Variants in CAMTA1 observed in about 807,000 individuals in gnomAD.
CAMTA1 encodes the protein calmodulin-binding transcription activator 1.
A neutral mutation model predicts 170.9 loss-of-function variants in CAMTA1; 27 were observed. The ratio of observed to expected loss-of-function variants is 0.16; its 90% CI spans 0.12 to 0.22. The LOEUF is 0.22. CAMTA1 is among the 10% of genes least tolerant of loss of function. The pLI is 1.00. For missense variants in CAMTA1, 1,619 were observed against 2,217.2 expected, an observed-to-expected ratio of 0.73 and a Z score of 5.42; for synonymous variants, 833 against 891.5, an observed-to-expected ratio of 0.93 and a Z score of 1.17.
intron 3 of CAMTA1, among the ~76,000 whole-genome samples, chr1:6,862,214 C>G (rs1664973258): frequency 6.6e-6 from 1 of 152,180 alleles, no homozygotes; most frequent in Admixed American, 6.5e-5. Flanking sequence ...TTCAGGTGTT[C>G]CACCTGCCTC....
chr1:6,975,395 T>A (rs1693238083), intron 3 of CAMTA1, among the ~76,000 whole-genome samples: 1 of 152,156 alleles, frequency 6.6e-6, no homozygotes, highest in Non-Finnish European at 1.5e-5. Context: ...TATTGTTTGT[T>A]TTTCATCAGA....
Position 6,891,683 on chromosome 1 carries a change from A to T in CAMTA1, c.234+66473A>T, listed in dbSNP as rs564228626. On this transcript the variant is annotated intron_variant, in intron 3 of 22. Transcript: ENST00000303635. ...TGCATCTTCAAAAAACAAAACAAAAAGTTTTTTATCTTCAGAAATAAGGAA... is the reference window on the plus strand; with the variant it reads ...TGCATCTTCAAAAAACAAAACAAAATGTTTTTTATCTTCAGAAATAAGGAA... Among the ~76,000 whole-genome samples, 5 of 152,300 alleles carry T rather than the reference A, an allele frequency of 3.3e-5. No homozygotes were observed. In the South Asian group the frequency reaches 1.0e-3, roughly 32 times the overall value.
At chr1:7,747,689 T>C (rs76429887) in intron 18 of CAMTA1, 21 bp from the exon 19 acceptor site, 12 of 1,553,906 alleles carry the variant, frequency 7.7e-6, no homozygotes, top group South Asian at 1.2e-5. Flanking sequence ...TGATTTTTTT[T>C]CTCCTTACTT....
chr1:6,803,372 A>G (rs1051595551), intron 1 of CAMTA1, among the ~76,000 whole-genome samples: 1 of 152,208 alleles, frequency 6.6e-6, no homozygotes, highest in Non-Finnish European at 1.5e-5. Context: ...GCCTGTGTGC[A>G]CAGTCCTTCA....
At chr1:7,217,167 T>G (rs111997703) in intron 4 of CAMTA1, among the ~76,000 whole-genome samples, 1 of 152,208 alleles carries the variant, frequency 6.6e-6, no homozygotes, top group African/African-American at 2.4e-5. Flanking sequence ...CATACTGTTT[T>G]CATGATAGTG....
intron 6 of CAMTA1, among the ~76,000 whole-genome samples, chr1:7,552,009 C>T (rs2094809385): frequency 6.6e-6 from 1 of 152,212 alleles, no homozygotes; most frequent in South Asian, 2.1e-4. Flanking sequence ...TAGAAGTGGG[C>T]CTGTAGGTGA....
intron 1 of CAMTA1, among the ~76,000 whole-genome samples, chr1:6,819,595 TC>T (rs1371820344): frequency 2.6e-5 from 4 of 152,198 alleles, no homozygotes; most frequent in African/African-American, 4.8e-5. Flanking sequence ...CACACATACT[TC>T]CCATTTAAAC....
At chr1:7,424,865 A>G (rs2091788882) in intron 5 of CAMTA1, among the ~76,000 whole-genome samples, 1 of 151,928 alleles carries the variant, frequency 6.6e-6, no homozygotes, top group Admixed American at 6.6e-5. Flanking sequence ...TAAAGATAAT[A>G]ATGTGTGGGT....
At chr1:6,850,138 T>C (rs1362450766) in intron 3 of CAMTA1, among the ~76,000 whole-genome samples, 2 of 151,892 alleles carry the variant, frequency 1.3e-5, no homozygotes, top group African/African-American at 4.8e-5. Context: ...GTAAAAATAT[T>C]AGGAGAAAAC....
chr1:7,194,739 G>A (rs1011955188), intron 4 of CAMTA1, among the ~76,000 whole-genome samples: 2 of 152,178 alleles, frequency 1.3e-5, no homozygotes, highest in Non-Finnish European at 2.9e-5. Flanking sequence ...AAGGAGAGGA[G>A]AGGGCCGTGC....
At chr1:7,355,703 T>G (rs1213073730) in intron 5 of CAMTA1, among the ~76,000 whole-genome samples, 2 of 152,228 alleles carry the variant, frequency 1.3e-5, no homozygotes, top group African/African-American at 4.8e-5. Flanking sequence ...CTATTGTGGC[T>G]GGAGTAAAAT....
chr1:7,574,744 G>T (rs1482951173), intron 6 of CAMTA1, among the ~76,000 whole-genome samples: 1 of 152,184 alleles, frequency 6.6e-6, no homozygotes, highest in Non-Finnish European at 1.5e-5. Flanking sequence ...GACTTTCAGG[G>T]GTCAGGTAGA....
intron 3 of CAMTA1, among the ~76,000 whole-genome samples, chr1:6,881,141 T>C (rs938643394): frequency 4.6e-5 from 7 of 152,180 alleles, no homozygotes; most frequent in Admixed American, 2.0e-4. Context: ...GTCCAGGTCA[T>C]TGGACTCCAG....
intron 4 of CAMTA1, among the ~76,000 whole-genome samples, chr1:7,122,317 G>T (rs1047027415): frequency 4.6e-5 from 7 of 152,096 alleles, no homozygotes; most frequent in Admixed American, 6.5e-5. Context: ...TGCACCCCAG[G>T]GATGAGTGAG....
intron 3 of CAMTA1, among the ~76,000 whole-genome samples, chr1:6,889,050 A>G (rs1171589004): frequency 3.3e-5 from 5 of 152,208 alleles, no homozygotes; most frequent in Middle Eastern, 3.2e-3. Flanking sequence ...AATCAGGAAA[A>G]CCAATGTCCA....
chr1:6,815,166 G>A (rs986351597), intron 1 of CAMTA1, among the ~76,000 whole-genome samples: 4 of 151,328 alleles, frequency 2.6e-5, no homozygotes, highest in African/African-American at 9.7e-5. Context: ...TTGAAAACAG[G>A]GAATATATAT....
At chr1:7,126,640 C>A (rs1372678962) in intron 4 of CAMTA1, among the ~76,000 whole-genome samples, 2 of 152,176 alleles carry the variant, frequency 1.3e-5, no homozygotes, top group Non-Finnish European at 2.9e-5. Flanking sequence ...ATCTTTAGAA[C>A]TTACTATGCT....
chr1:7,535,534 G>A (rs565395264), intron 6 of CAMTA1, among the ~76,000 whole-genome samples: 6 of 152,318 alleles, frequency 3.9e-5, no homozygotes, highest in South Asian at 4.2e-4. Flanking sequence ...GGGCAAAGCT[G>A]CGCTTTCTCA....
intron 4 of CAMTA1, among the ~76,000 whole-genome samples, chr1:7,221,825 A>G (rs1248342174): frequency 6.6e-6 from 1 of 152,098 alleles, no homozygotes; most frequent in African/African-American, 2.4e-5. Flanking sequence ...GTTTTATCCC[A>G]TGGTCAGGGA....
Sources: gnomAD v4.1 joint callset for allele counts (sites outside exome capture counted in the v4.1 genomes callset) on GRCh38, gnomAD v4.1.1 for gene constraint, MANE v1.5 for transcripts, NCBI Gene and HGNC (gene_info 2026-07-23, HGNC 2026-07-21) for gene names.